The following NLGN1 variants were observed in gnomAD, a reference collection of about 807,000 sequenced individuals.
NLGN1 encodes the protein neuroligin 1.
In NLGN1, 12 loss-of-function variants were observed where a neutral mutation model predicts 65.5. That is an observed-to-expected ratio of 0.18 (90% CI 0.12 to 0.30). NLGN1 has a LOEUF of 0.30. Among genes scored for constraint, NLGN1 ranks in the 10% least tolerant of loss-of-function variants. The pLI, the probability that NLGN1 is intolerant of heterozygous loss-of-function variation, is 1.00. For missense variants in NLGN1, 750 were observed against 1,007.1 expected (o/e 0.74, Z 3.46); for synonymous variants, 350 against 359.5 (o/e 0.97, Z 0.30).
At chr3:174,199,006 C>T (rs1385794003) in intron 4 of NLGN1, among the ~76,000 whole-genome samples, 2 of 152,054 alleles carry the variant, frequency 1.3e-5, no homozygotes, top group African/African-American at 2.4e-5. Context: ...TGCCACCACG[C>T]CAGGCTAATT....
chr3:173,804,869 A>G (rs1456768541), intron 3 of NLGN1, among the ~76,000 whole-genome samples: 1 of 152,028 alleles, frequency 6.6e-6, no homozygotes, highest in Non-Finnish European at 1.5e-5. Flanking sequence ...TCCACTAAAA[A>G]TGCAAAATTA....
intron 4 of NLGN1, among the ~76,000 whole-genome samples, chr3:174,254,662 G>C (rs1434994412): frequency 6.6e-6 from 1 of 152,004 alleles, no homozygotes; most frequent in Non-Finnish European, 1.5e-5. Context: ...AGGAATGGTA[G>C]ATACAATCTA....
rs149550873 is a variant in NLGN1, at chr3:173,804,828, A to C, written c.494-2852A>C. Among the ~76,000 whole-genome samples, 439 of 152,136 alleles carry C rather than the reference A, an allele frequency of 2.9e-3. 2 individuals are homozygous for C. Among genetic ancestry groups the C allele is most frequent in the African/African-American group, 0.01 (419 of 41,514 alleles). On this transcript the variant is annotated intron_variant, in intron 3 of 6. Transcript: ENST00000457714. ...GATCACCTGAGGTCAGGAGTTCAAG[A>C]CCAGTCTGGCCAACATAGTGAAACC...
chr3:173,511,937 C>T (rs1608394), intron 2 of NLGN1, among the ~76,000 whole-genome samples: 1,975 of 152,226 alleles, frequency 0.013, 38 homozygotes, highest in African/African-American at 0.045. Context: ...ATTTTCTTGA[C>T]CCCTTCCTAA....
At chr3:173,536,371 T>C (rs1477960465) in intron 2 of NLGN1, among the ~76,000 whole-genome samples, 1 of 152,222 alleles carries the variant, frequency 6.6e-6, no homozygotes, top group Non-Finnish European at 1.5e-5. Flanking sequence ...CAGCTTCCAT[T>C]TCCTTACCTT....
At chr3:173,794,933 CT>C (rs1713700585) in intron 3 of NLGN1, among the ~76,000 whole-genome samples, 1 of 152,034 alleles carries the variant, frequency 6.6e-6, no homozygotes, top group Non-Finnish European at 1.5e-5. Context: ...GAAAAATTCT[CT>C]TTTCCCCTTT....
intron 3 of NLGN1, among the ~76,000 whole-genome samples, chr3:173,711,636 G>A (rs1769008739): frequency 1.3e-5 from 2 of 152,116 alleles, no homozygotes; most frequent in Admixed American, 1.3e-4. Flanking sequence ...GAAGCTGAAA[G>A]GACTTCTTTT....
chr3:173,524,554 T>A (rs541059598), intron 2 of NLGN1, among the ~76,000 whole-genome samples: 192 of 152,352 alleles, frequency 1.3e-3, no homozygotes, highest in African/African-American at 4.5e-3. Context: ...ATGTCTTTTA[T>A]TTCTTTCTCT....
In NLGN1 at chr3:173,832,966, C is replaced by T. The variant is rs187367681; in HGVS notation, c.646+25134C>T. ...CTCCCAGAAACTTTCTATTTCACTA[C>T]GGGATGCAGAGTATTGCATATGTGG... On this transcript the variant is annotated intron_variant, in intron 4 of 6. Transcript: ENST00000457714. 2.2e-4 allele frequency among the ~76,000 whole-genome samples: 34 copies of T among 152,128 alleles called. 1 individual carries two copies. The highest frequency in any genetic ancestry group is 7.7e-4 in the African/African-American group (32 of 41,528).
At chr3:173,622,994 A>G (rs1754245928) in intron 3 of NLGN1, among the ~76,000 whole-genome samples, 1 of 152,172 alleles carries the variant, frequency 6.6e-6, no homozygotes, top group Admixed American at 6.6e-5. Context: ...CAGAGCTTCT[A>G]AATGCATTCT....
intron 3 of NLGN1, among the ~76,000 whole-genome samples, chr3:173,743,414 A>G (rs529345634): frequency 1.3e-5 from 2 of 152,138 alleles, no homozygotes; most frequent in East Asian, 3.9e-4. Context: ...CTATTATATT[A>G]TATTATATTT....
intron 3 of NLGN1, chr3:173,685,714 C>G: frequency 4.1e-6 from 4 of 985,194 alleles, no homozygotes; most frequent in Non-Finnish European, 4.8e-6. Context: ...TAAATGATCC[C>G]AAGAGTACCA....
intron 2 of NLGN1, among the ~76,000 whole-genome samples, chr3:173,506,590 G>A (rs759749945): frequency 3.3e-4 from 50 of 152,016 alleles, no homozygotes; most frequent in Non-Finnish European, 1.9e-4. Flanking sequence ...TTGAAATTAT[G>A]GTAGCTATTA....
chr3:173,658,830 A>G (rs1175817178), intron 3 of NLGN1, among the ~76,000 whole-genome samples: 2 of 152,026 alleles, frequency 1.3e-5, no homozygotes, highest in African/African-American at 4.8e-5. Flanking sequence ...TGCATGTTCT[A>G]TAATGTACTT....
chr3:173,909,154 C>G (rs1739057630), intron 4 of NLGN1, among the ~76,000 whole-genome samples: 2 of 151,922 alleles, frequency 1.3e-5, no homozygotes, highest in Admixed American at 1.3e-4. Flanking sequence ...TAGCTAGTCA[C>G]TAAGTCAGGA....
chr3:174,219,878 T>G (rs1466950036), intron 4 of NLGN1, among the ~76,000 whole-genome samples: 1 of 152,116 alleles, frequency 6.6e-6, no homozygotes, highest in African/African-American at 2.4e-5. Flanking sequence ...ATAAGCAAGA[T>G]TGCGGGCTGC....
At chr3:173,850,347 T>A (rs1726664845) in intron 4 of NLGN1, among the ~76,000 whole-genome samples, 1 of 152,160 alleles carries the variant, frequency 6.6e-6, no homozygotes, top group South Asian at 2.1e-4. Context: ...TAACATACAA[T>A]AACTACCCAT....
At chr3:173,817,195 T>C (rs1719198917) in intron 4 of NLGN1, among the ~76,000 whole-genome samples, 1 of 152,198 alleles carries the variant, frequency 6.6e-6, no homozygotes, top group South Asian at 2.1e-4. Context: ...CTAACAGAGC[T>C]CAGCAAACTC....
chr3:174,254,656 A>G (rs998043611), intron 4 of NLGN1, among the ~76,000 whole-genome samples: 4 of 152,142 alleles, frequency 2.6e-5, no homozygotes, highest in Non-Finnish European at 5.9e-5. Flanking sequence ...AATGTCAGGA[A>G]TGGTAGATAC....
Sources: allele counts gnomAD v4.1 joint callset (sites outside exome capture counted in the v4.1 genomes callset), GRCh38; gene constraint gnomAD v4.1.1; transcripts MANE v1.5; gene names NCBI Gene and HGNC (gene_info 2026-07-23, HGNC 2026-07-21).